Variants in KALRN observed in about 807,000 individuals in gnomAD.
KALRN encodes kalirin RhoGEF kinase, also known as kalirin.
A neutral mutation model predicts 353.7 loss-of-function variants in KALRN; 70 were observed. The observed-to-expected ratio is 0.20, with a 90% CI of 0.16 to 0.24. KALRN has a LOEUF of 0.24. Ranked by LOEUF, KALRN falls within the 10% of genes least tolerant of loss-of-function variation. The pLI, the probability that KALRN is intolerant of heterozygous loss-of-function variation, is 1.00. For missense variants in KALRN, 2,791 were observed against 3,756.7 expected (o/e 0.74, Z 6.72); for synonymous variants, 1,391 against 1,434.8 (o/e 0.97, Z 0.69).
intron 33 of KALRN, chr3:124,504,632 C>T (rs2065005490): frequency 2.9e-6 from 1 of 341,324 alleles, no homozygotes; most frequent in African/African-American, 2.1e-5. Context: ...CTCATTGATG[C>T]CAAGTACTCG....
chr3:124,131,278 A>G (rs2149693417), intron 1 of KALRN, among the ~76,000 whole-genome samples: 1 of 152,310 alleles, frequency 6.6e-6, no homozygotes, highest in South Asian at 2.1e-4. Flanking sequence ...TGCTCTGGAA[A>G]GAACTGGAGT....
At chr3:124,299,587 T>G (rs1039930068) in intron 6 of KALRN, among the ~76,000 whole-genome samples, 1 of 152,172 alleles carries the variant, frequency 6.6e-6, no homozygotes, top group Non-Finnish European at 1.5e-5. Flanking sequence ...TTTGGCCAGA[T>G]AGAACTTACT....
chr3:124,209,492 C>CAAAAAAAA, intron 1 of KALRN, among the ~76,000 whole-genome samples: 1 of 70,052 alleles, frequency 1.4e-5, no homozygotes, highest in Non-Finnish European at 2.5e-5. Context: ...CACTCTGTCT[C>CAAAAAAAA]AAAAAAAAAA....
chr3:124,351,389 C>T (rs1345892638), intron 10 of KALRN, among the ~76,000 whole-genome samples: 2 of 152,262 alleles, frequency 1.3e-5, no homozygotes, highest in Middle Eastern at 3.4e-3. Flanking sequence ...GTGAAGGGAC[C>T]TCTTTTAGCC....
At chr3:124,512,471 G>A (rs1310144535) in intron 33 of KALRN, among the ~76,000 whole-genome samples, 1 of 152,078 alleles carries the variant, frequency 6.6e-6, no homozygotes, top group Non-Finnish European at 1.5e-5. Flanking sequence ...CCAACGTGGT[G>A]AAACCCTGCC....
intron 33 of KALRN, among the ~76,000 whole-genome samples, chr3:124,526,623 TAGG>T (rs1282151336): frequency 6.6e-6 from 1 of 151,804 alleles, no homozygotes; most frequent in Admixed American, 6.6e-5. Context: ...GGAGCAGGGG[TAGG>T]AGGAGTAAGG....
intron 53 of KALRN, among the ~76,000 whole-genome samples, chr3:124,695,893 T>C (rs1352749446): frequency 6.6e-6 from 1 of 152,240 alleles, no homozygotes; most frequent in Non-Finnish European, 1.5e-5. Flanking sequence ...TGTCATTTTA[T>C]TCCTTATTTT....
At chr3:124,718,027 G>A (rs377750892) in intron 59 of KALRN, among the ~76,000 whole-genome samples, 1 of 151,366 alleles carries the variant, frequency 6.6e-6, no homozygotes, top group Non-Finnish European at 1.5e-5. Context: ...GGCCAGGCTG[G>A]TCTTGAACTC....
At chr3:124,610,847 C>CA (rs59462127) in intron 34 of KALRN, among the ~76,000 whole-genome samples, 97,474 of 150,598 alleles carry the variant, frequency 0.65, 32,627 homozygotes, top group African/African-American at 0.83. Flanking sequence ...CCCGTCCCTA[C>CA]AAAAAAAAGA....
At chr3:124,132,870 G>A (rs1210062025) in intron 1 of KALRN, 1 of 154,274 alleles carries the variant, frequency 6.5e-6, no homozygotes, top group African/African-American at 2.4e-5. Context: ...GTCTCTTTGG[G>A]AGTTGTTCTG....
chr3:124,713,227 C>A, intron 58 of KALRN, 92 bp downstream of exon 58: 1 of 1,114,944 alleles, frequency 9.0e-7, no homozygotes, highest in Non-Finnish European at 1.3e-6. Flanking sequence ...ACATTTTATA[C>A]AAGGTCCTAT....
chr3:124,685,289 G>T (rs1202877685), intron 51 of KALRN, among the ~76,000 whole-genome samples: 1 of 152,152 alleles, frequency 6.6e-6, no homozygotes, highest in East Asian at 1.9e-4. Context: ...ACCAAGAGAA[G>T]GGAGCTGAGC....
chr3:124,156,518 C>G (rs2069021753), intron 1 of KALRN, among the ~76,000 whole-genome samples: 1 of 152,172 alleles, frequency 6.6e-6, no homozygotes. Flanking sequence ...TGAATCTCAT[C>G]TGTCTGCTGT....
chr3:124,206,161 T>G (rs2076392148), intron 1 of KALRN, among the ~76,000 whole-genome samples: 3 of 152,154 alleles, frequency 2.0e-5, no homozygotes, highest in Admixed American at 2.0e-4. Context: ...AATAGAAGAT[T>G]ATTTCTTGCT....
chr3:124,594,987 ATTTT>A (rs143086565), intron 34 of KALRN, among the ~76,000 whole-genome samples: 1 of 148,698 alleles, frequency 6.7e-6, no homozygotes, highest in African/African-American at 2.5e-5. Flanking sequence ...TTATTTATTT[ATTTT>A]TTTGAGATAT....
At chr3:124,481,922 C>T (rs907660837) in intron 27 of KALRN, among the ~76,000 whole-genome samples, 3 of 152,106 alleles carry the variant, frequency 2.0e-5, no homozygotes, top group African/African-American at 7.2e-5. Flanking sequence ...AGTTCATGTG[C>T]GTTGAGTATT....
intron 1 of KALRN, among the ~76,000 whole-genome samples, chr3:124,179,298 T>TA (rs2073229385): frequency 6.6e-6 from 1 of 152,194 alleles, no homozygotes; most frequent in African/African-American, 2.4e-5. Flanking sequence ...AAACTTTTTT[T>TA]TTAACAAATA....
At chr3:124,627,626 C>T (rs907812559) in intron 34 of KALRN, among the ~76,000 whole-genome samples, 1 of 152,178 alleles carries the variant, frequency 6.6e-6, no homozygotes. Context: ...TCAGTAGAGC[C>T]ACATGGCATC....
At chr3:124,693,430 A>G (rs2061916207) in intron 51 of KALRN, among the ~76,000 whole-genome samples, 1 of 152,156 alleles carries the variant, frequency 6.6e-6, no homozygotes. Flanking sequence ...AATCAGTGCC[A>G]CCACACTGCT....
Sources: allele counts gnomAD v4.1 joint callset (sites outside exome capture counted in the v4.1 genomes callset), GRCh38; gene constraint gnomAD v4.1.1; transcripts MANE v1.5; gene names NCBI Gene and HGNC (gene_info 2026-07-23, HGNC 2026-07-21).